The following CEMIP variants were observed in gnomAD, a reference collection of about 807,000 sequenced individuals.
CEMIP encodes the protein cell migration-inducing and hyaluronan-binding protein.
In CEMIP, 105 loss-of-function variants were observed where a neutral mutation model predicts 156.9. The ratio of observed to expected loss-of-function variants is 0.67; its 90% CI spans 0.57 to 0.79. CEMIP has a LOEUF of 0.79. Ranked by LOEUF, CEMIP falls within the 30% of genes least tolerant of loss-of-function variation. The probability of loss-of-function intolerance (pLI) is 0.00; values close to 1 mark genes in which losing one functional copy is unlikely to be tolerated. For missense variants in CEMIP, 1,457 were observed against 1,769.4 expected (o/e 0.82, Z 3.17); for synonymous variants, 676 against 668.4 (o/e 1.01, Z -0.17).
chr15:80,873,757 C>G, intron 2 of CEMIP, 61 bp downstream of exon 2: 2 of 772,286 alleles, frequency 2.6e-6, no homozygotes, highest in South Asian at 3.1e-5. Flanking sequence ...ACTGCCTGTC[C>G]CGTGTCTGTG....
At chr15:80,888,631 T>G in intron 8 of CEMIP, 70 bp from the exon 9 acceptor site, 1 of 1,326,264 alleles carries the variant, frequency 7.5e-7, no homozygotes, top group Admixed American at 1.7e-5. Flanking sequence ...GGGGTTTCCT[T>G]GCCTTGGAGT....
intron 19 of CEMIP, among the ~76,000 whole-genome samples, chr15:80,926,266 C>G (rs982335517): frequency 6.6e-6 from 1 of 152,104 alleles, no homozygotes; most frequent in African/African-American, 2.4e-5. Flanking sequence ...ACTCCAAGAC[C>G]CAAATGAAAA....
chr15:80,813,642 G>A (rs549032896), intron 1 of CEMIP, among the ~76,000 whole-genome samples: 15 of 152,012 alleles, frequency 9.9e-5, no homozygotes, highest in East Asian at 9.7e-4. Flanking sequence ...CACCACACCC[G>A]GCCGGAGCAG....
intron 1 of CEMIP, among the ~76,000 whole-genome samples, chr15:80,829,624 C>G (rs543482388): frequency 6.6e-6 from 1 of 152,172 alleles, no homozygotes; most frequent in Non-Finnish European, 1.5e-5. Context: ...TGGTCTTCAC[C>G]CTATTTCAGC....
In CEMIP at chr15:80,889,516, C is replaced by G; in HGVS notation, c.1010C>G (p.Thr337Ser). ...EWFDHDKVSQ[T>S]KGGEKISDLW... Reference sequence around the variant, plus strand: ...TTCGATCATGATAAAGTATCTCAGACTAAAGGTGGGGAGAAAATTTCAGAC... The same window carrying G: ...TTCGATCATGATAAAGTATCTCAGAGTAAAGGTGGGGAGAAAATTTCAGAC... The change falls in exon 10 of 30, where the codon ACT becomes AGT. Residue 337 changes from threonine to serine, a missense_variant. Around this residue, in one of 5 missense-constraint regions of CEMIP, gnomAD observed 280 missense variants for 300.3 expected, o/e 0.93. Transcript: ENST00000394685. The G allele has an allele frequency of 6.2e-7, 1 of 1,614,128 alleles. No individual in the cohort carries two copies. The highest frequency in any genetic ancestry group is 8.5e-7 in the Non-Finnish European group (1 of 1,180,014).
At position 80,932,701 on chromosome 15, in the gene CEMIP, T is replaced by C. The variant is rs1433209450; in HGVS notation, c.2794-544T>C. Among the ~76,000 whole-genome samples the C allele has an allele frequency of 6.6e-6, 1 of 152,150 alleles. No individual in the cohort carries two copies. The highest frequency in any genetic ancestry group is 2.4e-5 in the African/African-American group (1 of 41,436). On this transcript the variant is annotated intron_variant, in intron 22 of 29. Transcript: ENST00000394685. The surrounding 1 kb of genome is among the most constrained non-coding windows in gnomAD (Gnocchi z 4.5). ...GAAACGATGTGAAACTGAAATGACT[T>C]AATGTCTTTACTCAGGCAACTGAGA...
chr15:80,942,255 CA>C lies in CEMIP; in HGVS notation c.3620del (p.Lys1207ArgfsTer7). 6.2e-7 allele frequency: 1 copy of C among 1,613,722 alleles called. No individual in the cohort carries two copies. Among genetic ancestry groups the C allele is most frequent in the Non-Finnish European group, 8.5e-7 (1 of 1,179,638 alleles). On this transcript the variant is annotated frameshift_variant, in exon 27 of 30. Transcript: ENST00000394685. LOFTEE classifies it high-confidence loss of function. Reference sequence around the variant, plus strand: ...TGGGTTCTATGTGTTTTCCAGAAAACAAAGGACCATTTCTTGGAGGTGAAGA... The same window carrying C: ...TGGGTTCTATGTGTTTTCCAGAAAACAAGGACCATTTCTTGGAGGTGAAGA... The part of the protein sequence containing the change: ...PKKLFGSQLK[T>X]KDHFLEVKME...
chr15:80,846,846 T>G (rs1481957617), intron 1 of CEMIP, among the ~76,000 whole-genome samples: 1 of 152,206 alleles, frequency 6.6e-6, no homozygotes, highest in African/African-American at 2.4e-5. Flanking sequence ...AATCACTTGT[T>G]GTGGTGACAA....
In CEMIP at chr15:80,878,791, T is replaced by C. The variant is rs1481630552; in HGVS notation, c.165T>C (p.His55=). Residue 55 remains histidine, a synonymous_variant, in exon 4 of 30, where the codon CAT becomes CAC. Coordinates refer to ENST00000394685, the MANE Select transcript of CEMIP (RefSeq NM_001293298.2). ...PWNPGHDQDH[H]VHIGQGKTLL... is the part of the protein sequence containing the mutation. Reference sequence around the variant, plus strand: ...ACCCTGGCCATGACCAAGACCACCATGTGCATATCGGCCAGGGCAAGACAC... The same window carrying C: ...ACCCTGGCCATGACCAAGACCACCACGTGCATATCGGCCAGGGCAAGACAC... 4 of 1,614,062 alleles carry C rather than the reference T, an allele frequency of 2.5e-6. No homozygotes were observed. The highest frequency in any genetic ancestry group is 2.2e-5 in the South Asian group (2 of 91,094).
chr15:80,803,597 C>A (rs1264331263), intron 1 of CEMIP, among the ~76,000 whole-genome samples: 1 of 152,194 alleles, frequency 6.6e-6, no homozygotes, highest in Non-Finnish European at 1.5e-5. Context: ...TATTTGCATT[C>A]ATTATCTCCT....
intron 1 of CEMIP, among the ~76,000 whole-genome samples, chr15:80,848,926 A>ACACACACACACACACACACACACC (rs374603705): frequency 3.7e-4 from 49 of 131,186 alleles, no homozygotes; most frequent in African/African-American, 1.4e-3. Context: ...ACACACACAC[A>ACACACACACACACACACACACACC]CCCTGGCTTC....
At chr15:80,856,671 G>C (rs1367750070) in intron 1 of CEMIP, among the ~76,000 whole-genome samples, 1 of 152,130 alleles carries the variant, frequency 6.6e-6, no homozygotes, top group Non-Finnish European at 1.5e-5. Flanking sequence ...CAGCTCCCTG[G>C]CCCTGGGTAA....
At chr15:80,946,836 C>A in intron 28 of CEMIP, 129 bp from the exon 29 acceptor site, 1 of 716,612 alleles carries the variant, frequency 1.4e-6, no homozygotes, top group Non-Finnish European at 2.6e-6. Context: ...TGCCCTTTCC[C>A]GAATCCCTGG....
chr15:80,785,769 C>G (rs1895920104), intron 1 of CEMIP, among the ~76,000 whole-genome samples: 2 of 152,170 alleles, frequency 1.3e-5, no homozygotes, highest in African/African-American at 2.4e-5. Context: ...CCCTTACTTC[C>G]TGCAACCTTT....
At chr15:80,818,761 TG>T (rs1350211732) in intron 1 of CEMIP, among the ~76,000 whole-genome samples, 1 of 152,216 alleles carries the variant, frequency 6.6e-6, no homozygotes, top group Non-Finnish European at 1.5e-5. Flanking sequence ...GGATTGGTTC[TG>T]GGGCTTGTAG....
chr15:80,830,474 G>C (rs952204442), intron 1 of CEMIP, among the ~76,000 whole-genome samples: 15 of 152,172 alleles, frequency 9.9e-5, no homozygotes, highest in African/African-American at 3.4e-4. Context: ...TCTCTGAGCT[G>C]TCTGTCTGCC....
At chr15:80,847,192 G>A (rs570341439) in intron 1 of CEMIP, among the ~76,000 whole-genome samples, 1 of 152,270 alleles carries the variant, frequency 6.6e-6, no homozygotes, top group South Asian at 2.1e-4. Context: ...AGGATTACAG[G>A]CATGCACCAT....
chr15:80,844,791 G>A (rs1055717680), intron 1 of CEMIP, among the ~76,000 whole-genome samples: 6 of 152,214 alleles, frequency 3.9e-5, no homozygotes, highest in East Asian at 3.9e-4. Flanking sequence ...GAAACACAGC[G>A]AAGATTGGGG....
intron 1 of CEMIP, among the ~76,000 whole-genome samples, chr15:80,796,263 C>T (rs1021818319): frequency 2.6e-5 from 4 of 152,172 alleles, no homozygotes; most frequent in African/African-American, 9.7e-5. Context: ...TACATGCCAC[C>T]GTGCCCAGCC....
Sources: allele counts gnomAD v4.1 joint callset (sites outside exome capture counted in the v4.1 genomes callset), GRCh38; gene constraint gnomAD v4.1.1; regional missense constraint gnomAD v4.1.1; non-coding constraint Gnocchi (gnomAD v3.1); transcripts MANE v1.5; gene names NCBI Gene and HGNC (gene_info 2026-07-23, HGNC 2026-07-21).